The following ATP10A variants were observed in gnomAD, a reference collection of about 807,000 sequenced individuals.
The protein encoded by ATP10A is ATPase phospholipid transporting 10A (putative).
A neutral mutation model predicts 147.8 loss-of-function variants in ATP10A; 111 were observed. The observed-to-expected ratio is 0.75, with a 90% CI of 0.64 to 0.88. ATP10A has a LOEUF of 0.88. Ranked by LOEUF, ATP10A falls within the 40% of genes least tolerant of loss-of-function variation. ATP10A has a pLI of 0.00. For synonymous variants in ATP10A, 875 were observed against 841.6 expected, an observed-to-expected ratio of 1.04 and a Z score of -0.69; for missense variants, 1,927 against 1,959.0, an observed-to-expected ratio of 0.98 and a Z score of 0.31.
chr15:25,720,675 C>T (rs201343040), intron 7 of ATP10A, among the ~76,000 whole-genome samples: 4,170 of 19,918 alleles, frequency 0.21, 122 homozygotes, highest in East Asian at 0.54. Context: ...GGAGTACTGT[C>T]ATGATTATCT....
In ATP10A at chr15:25,710,073, T is replaced by C. The variant is rs78717676; in HGVS notation, c.2345-1773A>G. ...CCACTTGCTGAAGTGATGCTGGGGG[T>C]GGCTGATTTCGAGCTGAAGGCATGG... On this transcript the variant is annotated intron_variant, in intron 10 of 20. Transcript: ENST00000555815. 698 of 152,028 alleles carry C rather than the reference T, an allele frequency of 4.6e-3. 9 individuals are homozygous for C. Among genetic ancestry groups the C allele is most frequent in the African/African-American group, 0.016 (669 of 41,428 alleles). The allele number at this position is 152,028 out of a possible 1,614,324, so 9.4% of individuals were successfully genotyped here. A position where few individuals can be genotyped will look rare whatever the true frequency, so the allele number is the denominator to read the frequency against.
At chr15:25,786,641 T>TTTC (rs869155871) in intron 1 of ATP10A, among the ~76,000 whole-genome samples, 1,197 of 85,602 alleles carry the variant, frequency 0.014, 67 homozygotes, top group African/African-American at 0.048. Context: ...TTTTTTTTTT[T>TTTC]TTGAGGCGGA....
chr15:25,787,650 G>T (rs937552975), intron 1 of ATP10A, among the ~76,000 whole-genome samples: 2 of 150,028 alleles, frequency 1.3e-5, no homozygotes, highest in East Asian at 2.0e-4. Flanking sequence ...AAAAGAAAAA[G>T]AAAAGAAAAA....
At chr15:25,816,440 G>A (rs1338779730) in intron 1 of ATP10A, among the ~76,000 whole-genome samples, 25 of 151,930 alleles carry the variant, frequency 1.6e-4, no homozygotes, top group African/African-American at 7.3e-5. Flanking sequence ...CCTTTCTGAC[G>A]GTCCCTAAAT....
At chr15:25,769,379 C>G (rs762397493) in intron 2 of ATP10A, among the ~76,000 whole-genome samples, 1 of 147,176 alleles carries the variant, frequency 6.8e-6, no homozygotes, top group Non-Finnish European at 1.5e-5. Context: ...CCCAGCTACT[C>G]GGGAGGCTGA....
chr15:25,701,041 A>T (rs951087464), intron 13 of ATP10A, among the ~76,000 whole-genome samples: 1 of 152,024 alleles, frequency 6.6e-6, no homozygotes. Flanking sequence ...AAGGACTGGG[A>T]ATGGTGGGAA....
intron 2 of ATP10A, among the ~76,000 whole-genome samples, chr15:25,767,351 G>C (rs1272724615): frequency 6.6e-6 from 1 of 152,206 alleles, no homozygotes. Context: ...GATGGAGGCT[G>C]CGCCACATCC....
intron 1 of ATP10A, among the ~76,000 whole-genome samples, chr15:25,845,109 G>A (rs116696141): frequency 0.019 from 2,842 of 152,266 alleles, 85 homozygotes; most frequent in African/African-American, 0.064. Flanking sequence ...GCAAGACCTC[G>A]CCTCTCACAG....
chr15:25,685,224 T>C (rs1354638319), intron 16 of ATP10A, among the ~76,000 whole-genome samples: 1 of 152,210 alleles, frequency 6.6e-6, no homozygotes, highest in Admixed American at 6.5e-5. Context: ...ACTAATGAAT[T>C]TCTCATTTCA....
At chr15:25,678,063 C>A (rs1402409271), downstream of ATP10A, 1 of 152,174 alleles carries the variant, frequency 6.6e-6, no homozygotes, top group South Asian at 2.1e-4. Context: ...GGGAGAAAAG[C>A]CCAGGTCTGA....
Position 25,783,178 on chromosome 15 carries a change from A to G in ATP10A, c.450-1955T>C, listed in dbSNP as rs77396998. Among the ~76,000 whole-genome samples the G allele has an allele frequency of 9.5e-4, 145 of 152,266 alleles. 1 individual carries two copies. The East Asian group carries it at 0.019, about 20-fold the overall frequency. On this transcript the variant is annotated intron_variant, in intron 1 of 20. Coordinates refer to ENST00000555815, the MANE Select transcript of ATP10A (RefSeq NM_024490.4). Reference sequence around the variant, plus strand: ...GTGACAGAGGCCCTATCTCAAAAACAAAGAAACAAAAAATCTGTCCTCTGG... The same window carrying G: ...GTGACAGAGGCCCTATCTCAAAAACGAAGAAACAAAAAATCTGTCCTCTGG...
At position 25,687,834 on chromosome 15, in the gene ATP10A, A is replaced by C; in HGVS notation, c.3166-6T>G. On this transcript the variant is annotated splice_region_variant and splice_polypyrimidine_tract_variant and intron_variant, in intron 15 of 20. Coordinates refer to ENST00000555815, the MANE Select transcript of ATP10A (RefSeq NM_024490.4). ...AAGTCGCTGGCCATCACTGCCTTCA[A>C]AGGGAGAGGGATTCCTGTTACTGGT... 1 of 1,613,782 alleles carries C rather than the reference A, an allele frequency of 6.2e-7. No individual in the cohort carries two copies. The highest frequency in any genetic ancestry group is 8.5e-7 in the Non-Finnish European group (1 of 1,179,814).
At chr15:25,748,577 G>T in intron 2 of ATP10A, among the ~76,000 whole-genome samples, 1 of 151,798 alleles carries the variant, frequency 6.6e-6, no homozygotes, top group Non-Finnish European at 1.5e-5. Context: ...TTTACACATT[G>T]TATCAGGGAA....
At chr15:25,754,551 G>A (rs559235752) in intron 2 of ATP10A, among the ~76,000 whole-genome samples, 2 of 152,308 alleles carry the variant, frequency 1.3e-5, no homozygotes, top group South Asian at 4.2e-4. Context: ...ACACACGTAA[G>A]AGAAGCCTTG....
At chr15:25,800,591 A>T (rs1890892172) in intron 1 of ATP10A, among the ~76,000 whole-genome samples, 1 of 152,148 alleles carries the variant, frequency 6.6e-6, no homozygotes, top group South Asian at 2.1e-4. Context: ...ACCTTCCCGG[A>T]AGAAGCTACA....
intron 1 of ATP10A, among the ~76,000 whole-genome samples, chr15:25,847,305 T>G (rs538599286): frequency 1.3e-5 from 2 of 152,312 alleles, no homozygotes; most frequent in East Asian, 3.9e-4. Flanking sequence ...GCTCCCAGGC[T>G]CTGCCCCTTT....
intron 13 of ATP10A, among the ~76,000 whole-genome samples, chr15:25,696,071 TC>T (rs1227092966): frequency 6.6e-6 from 1 of 152,132 alleles, no homozygotes; most frequent in Non-Finnish European, 1.5e-5. Context: ...GACCACCGTC[TC>T]CAGGAACAAA....
chr15:25,824,473 C>A (rs1294670654), intron 1 of ATP10A, among the ~76,000 whole-genome samples: 37 of 138,292 alleles, frequency 2.7e-4, no homozygotes, highest in Middle Eastern at 7.5e-3. Context: ...GACCCTGTCT[C>A]AAAAAAAAAA....
At chr15:25,764,429 C>T (rs1223177331) in intron 2 of ATP10A, among the ~76,000 whole-genome samples, 1 of 152,030 alleles carries the variant, frequency 6.6e-6, no homozygotes, top group African/African-American at 2.4e-5. Flanking sequence ...AAGGTGGGTC[C>T]TTGGGAGGTG....
Sources: allele counts gnomAD v4.1 joint callset (sites outside exome capture counted in the v4.1 genomes callset), GRCh38; gene constraint gnomAD v4.1.1; transcripts MANE v1.5; gene names NCBI Gene and HGNC (gene_info 2026-07-23, HGNC 2026-07-21).